The following KCNJ6 variants were observed in gnomAD, a reference collection of about 807,000 sequenced individuals.
KCNJ6 encodes the protein potassium inwardly rectifying channel subfamily J member 6.
In KCNJ6, 9 loss-of-function variants were observed where a neutral mutation model predicts 34.2. That is an observed-to-expected ratio of 0.26 (90% CI 0.16 to 0.46). The LOEUF (loss-of-function observed/expected upper bound fraction) is 0.46. Among genes scored for constraint, KCNJ6 ranks in the 20% least tolerant of loss-of-function variants. The probability of loss-of-function intolerance (pLI) is 1.00; values close to 1 mark genes in which losing one functional copy is unlikely to be tolerated. For synonymous variants in KCNJ6, 196 were observed against 207.1 expected (o/e 0.95, Z 0.46); for missense variants, 236 against 531.3 (o/e 0.44, Z 5.46).
chr21:37,735,718 C>A lies in KCNJ6; in HGVS notation c.26-20587G>T, dbSNP rs191987722. ...GAAACCCACAGCTGGAGGCAGAGGA[C>A]ACAGGGACACCTGCTCTGAATGAGG... On this transcript the variant is annotated intron_variant, in intron 2 of 3. Coordinates refer to ENST00000609713, the MANE Select transcript of KCNJ6 (RefSeq NM_002240.5). Among the ~76,000 whole-genome samples, 9 of 152,286 alleles carry A rather than the reference C, an allele frequency of 5.9e-5. No homozygotes were observed. In the East Asian group the frequency reaches 1.7e-3, roughly 29 times the overall value.
At chr21:37,669,207 T>C (rs1347438717) in intron 3 of KCNJ6, among the ~76,000 whole-genome samples, 1 of 152,188 alleles carries the variant, frequency 6.6e-6, no homozygotes, top group Non-Finnish European at 1.5e-5. Flanking sequence ...CTATGACCTG[T>C]AAGGCACCCC....
intron 3 of KCNJ6, among the ~76,000 whole-genome samples, chr21:37,674,307 C>T (rs1466384184): frequency 6.6e-6 from 1 of 152,192 alleles, no homozygotes; most frequent in African/African-American, 2.4e-5. Context: ...CCGGAAATCC[C>T]TCAGTCCCAA....
intron 2 of KCNJ6, among the ~76,000 whole-genome samples, chr21:37,789,441 G>C (rs930206454): frequency 4.8e-5 from 7 of 145,596 alleles, no homozygotes; most frequent in African/African-American, 1.5e-4. Flanking sequence ...GCAAGCTAGA[G>C]AGAGAGAGCC....
At chr21:37,726,749 G>GA (rs2054857088) in intron 2 of KCNJ6, among the ~76,000 whole-genome samples, 1 of 152,224 alleles carries the variant, frequency 6.6e-6, no homozygotes, top group African/African-American at 2.4e-5. Context: ...ACCATCTAAA[G>GA]AACCAGTAGG....
intron 2 of KCNJ6, among the ~76,000 whole-genome samples, chr21:37,719,183 C>T (rs1475051497): frequency 1.3e-5 from 2 of 152,072 alleles, no homozygotes; most frequent in Admixed American, 6.5e-5. Flanking sequence ...GGGCTGTGTC[C>T]AGAGTCATCA....
chr21:37,651,521 G>A (rs887712563), intron 3 of KCNJ6, among the ~76,000 whole-genome samples: 7 of 152,248 alleles, frequency 4.6e-5, no homozygotes, highest in Middle Eastern at 3.4e-3. Flanking sequence ...GGATGATGGC[G>A]GGTAGATTGG....
chr21:37,640,800 G>A (rs2054377535), intron 3 of KCNJ6, among the ~76,000 whole-genome samples: 1 of 152,104 alleles, frequency 6.6e-6, no homozygotes, highest in African/African-American at 2.4e-5. Context: ...ACTTTTTGAG[G>A]CAAGGACCCT....
At chr21:37,824,166 G>C (rs1052211732) in intron 2 of KCNJ6, among the ~76,000 whole-genome samples, 1 of 152,182 alleles carries the variant, frequency 6.6e-6, no homozygotes, top group African/African-American at 2.4e-5. Flanking sequence ...GCATATTTTT[G>C]TTCTGGTTAA....
At chr21:37,630,189 A>G (rs2054328140) in intron 3 of KCNJ6, among the ~76,000 whole-genome samples, 1 of 111,682 alleles carries the variant, frequency 9.0e-6, no homozygotes, top group African/African-American at 3.3e-5. Flanking sequence ...GGACATCATC[A>G]TAAAGGCTCC....
Position 37,714,092 on chromosome 21 carries a change from G to T in KCNJ6, c.946+119C>A. ...AGGCATACTATGTCATGAAGCAAGG[G>T]GATGTTGTCAATATTGAGTGAGGTT... On this transcript the variant is annotated intron_variant, in intron 3 of 3. Coordinates refer to ENST00000609713, the MANE Select transcript of KCNJ6 (RefSeq NM_002240.5). The surrounding 1 kb of genome is among the most constrained non-coding windows in gnomAD (Gnocchi z 5.9). 1 of 744,548 alleles carries T rather than the reference G, an allele frequency of 1.3e-6. No individual in the cohort carries two copies. Among genetic ancestry groups the T allele is most frequent in the Non-Finnish European group, 2.3e-6 (1 of 436,978 alleles). 46.1% of individuals were successfully genotyped at this position (744,548 alleles called of 1,614,324 possible). A position where few individuals can be genotyped will look rare whatever the true frequency, so the allele number is the denominator to read the frequency against.
rs965744385 is a variant in KCNJ6 at position 37,715,216 on chromosome 21, G to A, written c.26-85C>T. ...TGGAACGGCACACTTTGTATGGGCT[G>A]GTGAAACCAAATACCATTTGTGTAG... is the stretch of plus-strand genomic sequence containing the variant. On this transcript the variant is annotated intron_variant, in intron 2 of 3. Transcript: ENST00000609713. The A allele has an allele frequency of 9.4e-6, 11 of 1,167,300 alleles. No individual in the cohort carries two copies. The South Asian group carries it at 1.4e-4, about 15-fold the overall frequency. The allele number at this position is 1,167,300 out of a possible 1,614,324, so 72.3% of individuals were successfully genotyped here. A position where few individuals can be genotyped will look rare whatever the true frequency, so the allele number is the denominator to read the frequency against.
In KCNJ6 at chr21:37,618,346, A is replaced by G. The variant is rs2054280056; in HGVS notation, c.*6813T>C. The G allele has an allele frequency of 6.6e-6, 1 of 152,220 alleles. No individual in the cohort carries two copies. The highest frequency in any genetic ancestry group is 2.4e-5 in the African/African-American group (1 of 41,454). The allele number at this position is 152,220 out of a possible 1,614,324, so 9.4% of individuals were successfully genotyped here. A position where few individuals can be genotyped will look rare whatever the true frequency, so the allele number is the denominator to read the frequency against. On this transcript the variant is annotated 3_prime_UTR_variant, in exon 4 of 4. Transcript: ENST00000609713. ...GCCTGGACTAGGCTCTTTGTAGCCA[A>G]AAGTCTGCTCCTAGGCTCCTGGAAG...
intron 1 of KCNJ6, among the ~76,000 whole-genome samples, chr21:37,908,152 G>A (rs191138104): frequency 3.5e-4 from 54 of 152,310 alleles, no homozygotes; most frequent in African/African-American, 1.2e-3. Context: ...AAATGGAAAC[G>A]ATGTAAGAGA....
intron 3 of KCNJ6, among the ~76,000 whole-genome samples, chr21:37,677,254 G>T: frequency 6.6e-6 from 1 of 152,140 alleles, no homozygotes; most frequent in East Asian, 1.9e-4. Context: ...CTGGGAGATG[G>T]CTTTTCCATG....
chr21:37,702,009 G>A (rs2054693661), intron 3 of KCNJ6, among the ~76,000 whole-genome samples: 1 of 152,038 alleles, frequency 6.6e-6, no homozygotes, highest in African/African-American at 2.4e-5. Flanking sequence ...GAGGTGGGTG[G>A]ATCACTTGAG....
intron 3 of KCNJ6, among the ~76,000 whole-genome samples, chr21:37,666,511 G>A (rs986062035): frequency 4.6e-5 from 7 of 152,136 alleles, no homozygotes; most frequent in Admixed American, 6.5e-5. Context: ...CTAGTACATC[G>A]TTCATTGTTT....
At chr21:37,914,929 T>C (rs1305014563) in intron 1 of KCNJ6, among the ~76,000 whole-genome samples, 2 of 147,454 alleles carry the variant, frequency 1.4e-5, no homozygotes, top group Admixed American at 6.7e-5. Context: ...TTTTTTTTTT[T>C]CTCTTCCTTT....
At chr21:37,910,147 A>G (rs958418142) in intron 1 of KCNJ6, among the ~76,000 whole-genome samples, 2 of 152,212 alleles carry the variant, frequency 1.3e-5, no homozygotes, top group Non-Finnish European at 2.9e-5. Flanking sequence ...GCAGAGGCAT[A>G]GCGCTCCAGA....
At chr21:37,644,593 C>G (rs1376709899) in intron 3 of KCNJ6, among the ~76,000 whole-genome samples, 1 of 152,176 alleles carries the variant, frequency 6.6e-6, no homozygotes, top group African/African-American at 2.4e-5. Context: ...GTCTATGAAT[C>G]TGACTGATAT....
Sources: gnomAD v4.1 joint callset for allele counts (sites outside exome capture counted in the v4.1 genomes callset) on GRCh38, gnomAD v4.1.1 for gene constraint, Gnocchi (gnomAD v3.1) non-coding constraint, MANE v1.5 for transcripts, NCBI Gene and HGNC (gene_info 2026-07-23, HGNC 2026-07-21) for gene names.